The following TMEM132D variants were observed in gnomAD, a reference collection of about 807,000 sequenced individuals.
The protein encoded by TMEM132D is mature OL transmembrane protein.
In TMEM132D, 21 loss-of-function variants were observed where a neutral mutation model predicts 62.3. The observed-to-expected ratio is 0.34, with a 90% confidence interval of 0.24 to 0.49. The LOEUF (loss-of-function observed/expected upper bound fraction) is 0.49. TMEM132D is among the 20% of genes least tolerant of loss of function. The pLI, the probability that TMEM132D is intolerant of heterozygous loss-of-function variation, is 0.99. For missense variants in TMEM132D, 1,346 were observed against 1,402.8 expected (o/e 0.96, Z 0.65); for synonymous variants, 621 against 575.6 (o/e 1.08, Z -1.13).
chr12:129,801,678 G>A (rs1199513592), intron 1 of TMEM132D, among the ~76,000 whole-genome samples: 1 of 151,946 alleles, frequency 6.6e-6, no homozygotes, highest in South Asian at 2.1e-4. Flanking sequence ...ACGGAACAAA[G>A]CTGGTTGGAG....
chr12:129,598,490 G>T (rs1298713046), intron 2 of TMEM132D, among the ~76,000 whole-genome samples: 1 of 152,196 alleles, frequency 6.6e-6, no homozygotes, highest in East Asian at 1.9e-4. Context: ...AATAGATGAT[G>T]TGTTTGGATT....
intron 3 of TMEM132D, among the ~76,000 whole-genome samples, chr12:129,370,613 G>A (rs1277307389): frequency 6.6e-6 from 1 of 152,212 alleles, no homozygotes; most frequent in Non-Finnish European, 1.5e-5. Flanking sequence ...TCACAATAGC[G>A]AAAATATGGA....
At chr12:129,337,868 G>T (rs766303043) in intron 3 of TMEM132D, 51 bp from the exon 4 acceptor site, 3 of 1,528,642 alleles carry the variant, frequency 2.0e-6, no homozygotes, top group Non-Finnish European at 2.6e-6. Flanking sequence ...ATGAGGTATG[G>T]CACGCTTGGC....
intron 5 of TMEM132D, among the ~76,000 whole-genome samples, chr12:129,147,287 T>C (rs528940717): frequency 6.6e-6 from 1 of 150,416 alleles, no homozygotes; most frequent in South Asian, 2.1e-4. Context: ...TATATACATG[T>C]GCATATGTAT....
At chr12:129,708,132 G>A (rs1226866554) in intron 1 of TMEM132D, among the ~76,000 whole-genome samples, 4 of 152,052 alleles carry the variant, frequency 2.6e-5, no homozygotes, top group Non-Finnish European at 2.9e-5. Context: ...TGGGAGAATG[G>A]CTTGAACCCA....
chr12:129,788,779 T>C (rs1348868665), intron 1 of TMEM132D, among the ~76,000 whole-genome samples: 1 of 152,038 alleles, frequency 6.6e-6, no homozygotes, highest in East Asian at 1.9e-4. Context: ...GTCAAGACTC[T>C]TTCTGAGGAG....
At chr12:129,716,505 C>T (rs1034611688) in intron 1 of TMEM132D, among the ~76,000 whole-genome samples, 2 of 152,136 alleles carry the variant, frequency 1.3e-5, no homozygotes, top group Admixed American at 1.3e-4. Context: ...CTGAATTTAG[C>T]CCAGAAATTA....
At chr12:129,706,058 A>T (rs916164422) in intron 1 of TMEM132D, among the ~76,000 whole-genome samples, 1 of 152,116 alleles carries the variant, frequency 6.6e-6, no homozygotes, top group African/African-American at 2.4e-5. Context: ...GGACAGAAAC[A>T]GTTTACTGAA....
chr12:129,739,862 T>A (rs1417373380), intron 1 of TMEM132D, among the ~76,000 whole-genome samples: 2 of 152,208 alleles, frequency 1.3e-5, no homozygotes, highest in Non-Finnish European at 2.9e-5. Context: ...CCATTGGTAA[T>A]TAACATCTCT....
intron 3 of TMEM132D, among the ~76,000 whole-genome samples, chr12:129,351,258 C>A (rs986784516): frequency 6.6e-6 from 1 of 152,184 alleles, no homozygotes. Flanking sequence ...TCTCTCCCAT[C>A]TAACTGGGAA....
At chr12:129,501,715 A>G (rs978965078) in intron 3 of TMEM132D, among the ~76,000 whole-genome samples, 1 of 152,036 alleles carries the variant, frequency 6.6e-6, no homozygotes, top group African/African-American at 2.4e-5. Flanking sequence ...CATGTTGCCC[A>G]GGCTGGTCTT....
intron 2 of TMEM132D, among the ~76,000 whole-genome samples, chr12:129,638,086 C>T (rs574280276): frequency 1.3e-5 from 2 of 152,280 alleles, no homozygotes; most frequent in East Asian, 1.9e-4. Flanking sequence ...AAATGAAACA[C>T]AAATCAGCCG....
At chr12:129,897,386 TG>T (rs879602305) in intron 1 of TMEM132D, among the ~76,000 whole-genome samples, 11 of 152,274 alleles carry the variant, frequency 7.2e-5, no homozygotes, top group African/African-American at 1.7e-4. Context: ...CAGAGACCAC[TG>T]ATGTGTCACC....
At chr12:129,489,687 T>A (rs1874702655) in intron 3 of TMEM132D, among the ~76,000 whole-genome samples, 1 of 152,228 alleles carries the variant, frequency 6.6e-6, no homozygotes, top group African/African-American at 2.4e-5. Context: ...AAAACTTTTA[T>A]TATTTTCTAA....
chr12:129,682,810 G>A (rs1880813637), intron 2 of TMEM132D: 1 of 140,710 alleles, frequency 7.1e-6, no homozygotes, highest in South Asian at 2.3e-4. Flanking sequence ...AGTGAGCCGA[G>A]ATCGCGCCAT....
chr12:129,414,814 C>T (rs941584102), intron 3 of TMEM132D, among the ~76,000 whole-genome samples: 4 of 152,130 alleles, frequency 2.6e-5, no homozygotes, highest in Non-Finnish European at 2.9e-5. Context: ...GTATCTGTTC[C>T]CCCACCCCAC....
chr12:129,348,310 G>A (rs868130181), intron 3 of TMEM132D, among the ~76,000 whole-genome samples: 7 of 152,138 alleles, frequency 4.6e-5, no homozygotes, highest in Admixed American at 2.6e-4. Flanking sequence ...CAACCCAAAT[G>A]CTCATCAATG....
chr12:129,171,218 C>G (rs944506858), intron 5 of TMEM132D, among the ~76,000 whole-genome samples: 1 of 152,200 alleles, frequency 6.6e-6, no homozygotes, highest in Admixed American at 6.5e-5. Flanking sequence ...AAACCACTTT[C>G]TTTGCTCATC....
At chr12:129,286,873 C>A (rs560812807) in intron 4 of TMEM132D, among the ~76,000 whole-genome samples, 2 of 152,230 alleles carry the variant, frequency 1.3e-5, no homozygotes, top group South Asian at 4.1e-4. Flanking sequence ...CATGGTGAAA[C>A]CCCGTCTCTA....
Sources: allele counts gnomAD v4.1 joint callset (sites outside exome capture counted in the v4.1 genomes callset), GRCh38; gene constraint gnomAD v4.1.1; transcripts MANE v1.5; gene names NCBI Gene and HGNC (gene_info 2026-07-23, HGNC 2026-07-21).